ANKS1A: variants seen among roughly 807,000 people sequenced by gnomAD.
ANKS1A encodes the protein ankyrin repeat and sterile alpha motif domain containing 1A, also known as ankyrin repeat and SAM domain-containing protein 1A.
ANKS1A carries 55 observed loss-of-function variants against 120.3 expected under a neutral mutation model. That is an observed-to-expected ratio of 0.46 (90% CI 0.37 to 0.57). ANKS1A has a LOEUF of 0.57. ANKS1A is among the 20% of genes least tolerant of loss of function. ANKS1A has a pLI of 0.00. For missense variants in ANKS1A, 1,123 were observed against 1,480.3 expected (o/e 0.76, Z 3.96); for synonymous variants, 590 against 604.7 (o/e 0.98, Z 0.36).
At chr6:34,927,759 C>T (rs1768788317) in intron 1 of ANKS1A, among the ~76,000 whole-genome samples, 1 of 152,104 alleles carries the variant, frequency 6.6e-6, no homozygotes, top group South Asian at 2.1e-4. Flanking sequence ...TGCAAGGTGA[C>T]CTGAGCCTCT....
rs193293858 is a variant in ANKS1A at position 35,023,579 on chromosome 6, G to A, written c.2010+5520G>A. 686 of 470,200 alleles carry A rather than the reference G, an allele frequency of 1.5e-3. 4 individuals carry two copies. Among genetic ancestry groups the A allele is most frequent in the Middle Eastern group, 4.2e-3 (12 of 2,888 alleles). The allele number at this position is 470,200 out of a possible 1,614,324, so 29.1% of individuals were successfully genotyped here. On this transcript the variant is annotated intron_variant, in intron 11 of 23. Transcript: ENST00000360359. The stretch of plus-strand genomic sequence containing the variant: ...TCTTTGACTGAATATTGGTTGAAAG[G>A]AGTGCAGCTGAAACTGTAACCAAAG...
intron 8 of ANKS1A, among the ~76,000 whole-genome samples, chr6:34,986,351 T>C (rs1772201510): frequency 6.6e-6 from 1 of 152,068 alleles, no homozygotes; most frequent in African/African-American, 2.4e-5. Context: ...ATGTTGGGAG[T>C]GTAGGCCCGA....
At chr6:34,981,075 A>G (rs909681235) in intron 3 of ANKS1A, among the ~76,000 whole-genome samples, 1 of 152,160 alleles carries the variant, frequency 6.6e-6, no homozygotes, top group African/African-American at 2.4e-5. Context: ...GTGCAGTGTC[A>G]GGGTCCCTTA....
chr6:35,002,281 G>A (rs1773214303), intron 10 of ANKS1A, among the ~76,000 whole-genome samples: 1 of 151,934 alleles, frequency 6.6e-6, no homozygotes, highest in Admixed American at 6.6e-5. Context: ...GGAGCTGTAC[G>A]TGGATGGGAG....
chr6:34,917,052 C>A (rs1768200335), intron 1 of ANKS1A, among the ~76,000 whole-genome samples: 1 of 152,150 alleles, frequency 6.6e-6, no homozygotes, highest in Admixed American at 6.5e-5. Context: ...CACACAAGTC[C>A]TGGGCATCTC....
chr6:34,981,551 G>A (rs1013992410), intron 3 of ANKS1A, 139 bp from the exon 4 acceptor site: 1 of 908,242 alleles, frequency 1.1e-6, no homozygotes, highest in African/African-American at 1.6e-5. Context: ...GAGTATGTCT[G>A]GATTCCGACT....
rs1768752803 is a variant in ANKS1A, at chr6:34,927,073, G to T, written c.197+37474G>T. On this transcript the variant is annotated intron_variant, in intron 1 of 23. Transcript: ENST00000360359. The stretch of plus-strand genomic sequence containing the variant: ...AATAATTCCATCAGATAGTTGTAAG[G>T]ATTAAATAATTGTAGAACACTTTGA... Among the ~76,000 whole-genome samples the T allele has an allele frequency of 2.6e-5, 4 of 152,178 alleles. No individual in the cohort carries two copies. In the South Asian group the frequency reaches 8.3e-4, roughly 32 times the overall value.
intron 7 of ANKS1A, 59 bp downstream of exon 7, chr6:34,983,484 C>T (rs1291533066): frequency 9.6e-6 from 13 of 1,355,710 alleles, no homozygotes; most frequent in African/African-American, 4.4e-5. Context: ...GTTGAAAATT[C>T]GTGGGCAGAA....
Position 34,987,720 on chromosome 6 carries a change from T to G in ANKS1A, c.1210-1504T>G, listed in dbSNP as rs957036037. Among the ~76,000 whole-genome samples the G allele has an allele frequency of 5.8e-4, 88 of 152,374 alleles. 1 individual carries two copies. Among genetic ancestry groups the G allele is most frequent in the African/African-American group, 2.1e-3 (87 of 41,592 alleles). On this transcript the variant is annotated intron_variant, in intron 8 of 23. Coordinates refer to ENST00000360359, the MANE Select transcript of ANKS1A (RefSeq NM_015245.3). ...GAAGCCTGTTTTAAGAGAGAGATTATGGATGCCAAAATGCTAATGCGAGTA... is the reference window on the plus strand; with the variant it reads ...GAAGCCTGTTTTAAGAGAGAGATTAGGGATGCCAAAATGCTAATGCGAGTA...
rs1581756583 is a variant in ANKS1A at position 35,082,671 on chromosome 6, C to T, written c.2710-20C>T. 6 of 1,600,068 alleles carry T rather than the reference C, an allele frequency of 3.7e-6. No homozygotes were observed. The highest frequency in any genetic ancestry group is 5.1e-6 in the Non-Finnish European group (6 of 1,172,960). The stretch of plus-strand genomic sequence containing the variant: ...TCCTCTGGAGCAAGGAGCAGGTGTC[C>T]AATTGCGTGTGTTTCGCAGGAGGAG... On this transcript the variant is annotated intron_variant, in intron 17 of 23. Coordinates refer to ENST00000360359, the MANE Select transcript of ANKS1A (RefSeq NM_015245.3). The surrounding 1 kb of genome is among the most constrained non-coding windows in gnomAD (Gnocchi z 4.1).
chr6:34,925,075 T>G (rs543505978), intron 1 of ANKS1A, among the ~76,000 whole-genome samples: 1 of 152,334 alleles, frequency 6.6e-6, no homozygotes, highest in East Asian at 1.9e-4. Flanking sequence ...TCAAGTGTTC[T>G]TATATTTCTT....
Position 35,084,404 on chromosome 6 carries a change from A to C in ANKS1A, c.3132+146A>C. 8.4e-7 allele frequency: 1 copy of C among 1,192,600 alleles called. No individual in the cohort carries two copies. Among genetic ancestry groups the C allele is most frequent in the Non-Finnish European group, 1.1e-6 (1 of 878,228 alleles). 73.9% of individuals were successfully genotyped at this position (1,192,600 alleles called of 1,614,324 possible). A position where few individuals can be genotyped will look rare whatever the true frequency, so the allele number is the denominator to read the frequency against. On this transcript the variant is annotated intron_variant, in intron 21 of 23. Coordinates refer to ENST00000360359, the MANE Select transcript of ANKS1A (RefSeq NM_015245.3). This position sits in a 1 kb window ranked among gnomAD's most constrained non-coding sequence, Gnocchi z 4.8. ...TGGTTCATGAATGGAGCCCAGCAGC[A>C]CTCAGGCCGGTCCCCTTTCACAGTG... is the stretch of plus-strand genomic sequence containing the variant.
chr6:35,077,025 G>C (rs1440489141), intron 13 of ANKS1A, among the ~76,000 whole-genome samples: 1 of 152,172 alleles, frequency 6.6e-6, no homozygotes, highest in Non-Finnish European at 1.5e-5. Flanking sequence ...GTGGAAAGAT[G>C]CTCATCCTCA....
intron 3 of ANKS1A, among the ~76,000 whole-genome samples, chr6:34,978,578 G>A (rs1453809824): frequency 6.6e-6 from 1 of 152,062 alleles, no homozygotes; most frequent in East Asian, 1.9e-4. Context: ...GGCCGAGGCG[G>A]GCAGATCACC....
At chr6:35,069,190 A>G (rs1776944942) in intron 13 of ANKS1A, among the ~76,000 whole-genome samples, 1 of 152,170 alleles carries the variant, frequency 6.6e-6, no homozygotes, top group Admixed American at 6.5e-5. Context: ...TGGAGACCCA[A>G]GAGTGGGAAG....
intron 1 of ANKS1A, among the ~76,000 whole-genome samples, chr6:34,929,271 T>C (rs1768859644): frequency 6.6e-6 from 1 of 152,216 alleles, no homozygotes. Context: ...CCTTTTTGGT[T>C]ACATTTTATG....
intron 16 of ANKS1A, 116 bp from the exon 17 acceptor site, chr6:35,080,877 CT>C: frequency 7.6e-7 from 1 of 1,319,394 alleles, no homozygotes; most frequent in Non-Finnish European, 1.0e-6. Flanking sequence ...CCTTCGCTCC[CT>C]GCTGCTTCTC....
intron 1 of ANKS1A, among the ~76,000 whole-genome samples, chr6:34,919,012 C>T (rs570644798): frequency 4.6e-5 from 7 of 152,120 alleles, no homozygotes; most frequent in Admixed American, 6.5e-5. Context: ...CCACCATGCC[C>T]GGCTAATTTT....
chr6:35,013,602 C>G (rs1467238795), intron 10 of ANKS1A, among the ~76,000 whole-genome samples: 4 of 152,134 alleles, frequency 2.6e-5, no homozygotes, highest in Non-Finnish European at 5.9e-5. Flanking sequence ...GCCTCTTTAT[C>G]CTCATATCCA....
Sources: allele counts gnomAD v4.1 joint callset (sites outside exome capture counted in the v4.1 genomes callset), GRCh38; gene constraint gnomAD v4.1.1; non-coding constraint Gnocchi (gnomAD v3.1); transcripts MANE v1.5; gene names NCBI Gene and HGNC (gene_info 2026-07-23, HGNC 2026-07-21).